ANK2: variants seen among roughly 807,000 people sequenced by gnomAD.
ANK2 encodes the protein ankyrin 2.
Under a neutral mutation model 360.5 loss-of-function variants are expected in ANK2, and 83 were observed. The observed-to-expected ratio is 0.23, with a 90% CI of 0.19 to 0.28. The LOEUF is 0.28. Ranked by LOEUF, ANK2 falls within the 10% of genes least tolerant of loss-of-function variation. The pLI is 1.00. For missense variants in ANK2, 4,201 were observed against 4,795.7 expected, an observed-to-expected ratio of 0.88 and a Z score of 3.66; for synonymous variants, 1,740 against 1,759.5, an observed-to-expected ratio of 0.99 and a Z score of 0.28.
chr4:113,374,875 A>G, intron 45 of ANK2: 1 of 1,269,074 alleles, frequency 7.9e-7, no homozygotes, highest in Non-Finnish European at 1.0e-6. Context: ...ACTTGGAGAG[A>G]GGATGGAGAA....
chr4:113,093,033 G>C (rs1266638520), intron 1 of ANK2, among the ~76,000 whole-genome samples: 1 of 152,130 alleles, frequency 6.6e-6, no homozygotes, highest in African/African-American at 2.4e-5. Context: ...TTGACCTTGA[G>C]CCTGACATTT....
chr4:112,984,279 C>G (rs2044114767), intron 2 of ANK2, among the ~76,000 whole-genome samples: 1 of 152,134 alleles, frequency 6.6e-6, no homozygotes, highest in African/African-American at 2.4e-5. Flanking sequence ...AAAGACATAC[C>G]TGAGACTGGG....
intron 2 of ANK2, among the ~76,000 whole-genome samples, chr4:112,959,416 G>T (rs1023906953): frequency 6.6e-6 from 1 of 152,028 alleles, no homozygotes; most frequent in Non-Finnish European, 1.5e-5. Context: ...CCTCTCTCCC[G>T]CAGATAAAAG....
intron 2 of ANK2, among the ~76,000 whole-genome samples, chr4:113,018,732 G>A (rs1211336162): frequency 2.0e-5 from 3 of 152,134 alleles, no homozygotes; most frequent in African/African-American, 7.2e-5. Context: ...TTCAGCCAAG[G>A]GATGTAACAA....
At chr4:113,337,763 A>T (rs2093735945) in intron 31 of ANK2, among the ~76,000 whole-genome samples, 2 of 152,126 alleles carry the variant, frequency 1.3e-5, no homozygotes, top group African/African-American at 2.4e-5. Context: ...CATATGCTTC[A>T]CTTATGATCT....
chr4:113,355,266 C>A lies in ANK2; in HGVS notation c.6648C>A (p.Gly2216=). Residue 2216 remains glycine (G), a synonymous_variant, in exon 38 of 46, where the codon GGC becomes GGA. Coordinates refer to ENST00000357077, the MANE Select transcript of ANK2 (RefSeq NM_001148.6). ...KNEGVAGSPC[G]SLMEGTPQIS... is the part of the protein sequence containing the mutation. Reference sequence around the variant, plus strand: ...AGGGGGTAGCCGGCTCTCCGTGTGGCAGCCTGATGGAGGGGACCCCTCAGA... The same window carrying A: ...AGGGGGTAGCCGGCTCTCCGTGTGGAAGCCTGATGGAGGGGACCCCTCAGA... 1.9e-6 allele frequency: 3 copies of A among 1,614,054 alleles called. No homozygotes were observed. Among genetic ancestry groups the A allele is most frequent in the Non-Finnish European group, 2.5e-6 (3 of 1,179,962 alleles).
chr4:112,947,522 T>C (rs954047106), intron 2 of ANK2, among the ~76,000 whole-genome samples: 1 of 152,118 alleles, frequency 6.6e-6, no homozygotes, highest in Admixed American at 6.5e-5. Flanking sequence ...TAGATATATA[T>C]AATAGAGTTT....
chr4:112,786,880 C>T, the ANK2 span, among the ~76,000 whole-genome samples: 3 of 151,486 alleles, frequency 2.0e-5, no homozygotes, highest in African/African-American at 7.3e-5. Flanking sequence ...TCCCGAGTAG[C>T]TGGGATTACA....
At chr4:113,056,679 G>A (rs1156526729) in intron 1 of ANK2, among the ~76,000 whole-genome samples, 1 of 152,042 alleles carries the variant, frequency 6.6e-6, no homozygotes, top group Non-Finnish European at 1.5e-5. Context: ...ATGTACTCGA[G>A]ACCAAATAAA....
At chr4:112,716,209 G>A in the ANK2 span, among the ~76,000 whole-genome samples, 1 of 152,016 alleles carries the variant, frequency 6.6e-6, no homozygotes, top group African/African-American at 2.4e-5. Context: ...GTTTTATAAT[G>A]TATTAAATGG....
chr4:112,908,245 TAGTC>T lies in ANK2; in HGVS notation c.21+3734_21+3737del, dbSNP rs2085921643. Reference sequence around the variant, plus strand: ...GCCGTTTAACTTGAGTTATTGTTAATAGTCAGCAATGCAATGAGGTGGATATTAT... The same window carrying T: ...GCCGTTTAACTTGAGTTATTGTTAATAGCAATGCAATGAGGTGGATATTAT... On this transcript the variant is annotated intron_variant, in intron 2 of 30. Coordinates refer to the ANK2 transcript ENST00000503271. 3.3e-5 allele frequency among the ~76,000 whole-genome samples: 5 copies of T among 152,314 alleles called. No homozygotes were observed. The South Asian group carries it at 1.0e-3, about 32-fold the overall frequency.
the ANK2 span, among the ~76,000 whole-genome samples, chr4:112,811,783 A>G: frequency 6.6e-6 from 1 of 152,160 alleles, no homozygotes; most frequent in Non-Finnish European, 1.5e-5. Flanking sequence ...AATTAGAGCT[A>G]TGTGTTACTC....
chr4:112,797,710 TG>T, the ANK2 span: 1 of 176,644 alleles, frequency 5.7e-6, no homozygotes, highest in Non-Finnish European at 1.3e-5. Flanking sequence ...TAAAGTCTCT[TG>T]GAGGTACTGA....
intron 2 of ANK2, among the ~76,000 whole-genome samples, chr4:113,000,604 G>A (rs933169320): frequency 1.3e-5 from 2 of 152,142 alleles, no homozygotes; most frequent in Admixed American, 6.5e-5. Context: ...AAGTTTTCCA[G>A]TGACATAGAA....
intron 1 of ANK2, among the ~76,000 whole-genome samples, chr4:113,072,508 A>C (rs1353897540): frequency 6.6e-6 from 1 of 152,198 alleles, no homozygotes; most frequent in East Asian, 1.9e-4. Context: ...GTGATGTTCA[A>C]ATAAAGTGAG....
intron 1 of ANK2, among the ~76,000 whole-genome samples, chr4:113,106,230 A>G (rs559312979): frequency 6.6e-6 from 1 of 152,332 alleles, no homozygotes; most frequent in South Asian, 2.1e-4. Context: ...CTCAAATAGT[A>G]CTTCAGAGCA....
intron 1 of ANK2, among the ~76,000 whole-genome samples, chr4:112,850,949 A>T (rs2064831351): frequency 6.6e-6 from 1 of 152,110 alleles, no homozygotes; most frequent in African/African-American, 2.4e-5. Context: ...ACTCTGATGT[A>T]TATGTTGATA....
chr4:113,215,453 T>C (rs1319064883), intron 4 of ANK2, among the ~76,000 whole-genome samples: 3 of 152,146 alleles, frequency 2.0e-5, no homozygotes, highest in Admixed American at 6.5e-5. Context: ...ATTGAAGAAA[T>C]AAATTGACTG....
chr4:113,330,124 C>A (rs2091969371), intron 26 of ANK2, 122 bp from the exon 27 acceptor site: 1 of 911,128 alleles, frequency 1.1e-6, no homozygotes. Flanking sequence ...CATTTTACCA[C>A]CATGCATTTA....
Sources: gnomAD v4.1 joint callset for allele counts (sites outside exome capture counted in the v4.1 genomes callset) on GRCh38, gnomAD v4.1.1 for gene constraint, MANE v1.5 for transcripts, NCBI Gene and HGNC (gene_info 2026-07-23, HGNC 2026-07-21) for gene names.